TSPEAR: variants seen among roughly 807,000 people sequenced by gnomAD.
The protein encoded by TSPEAR is thrombospondin-type laminin G domain and EAR repeat-containing protein.
A neutral mutation model predicts 71.6 loss-of-function variants in TSPEAR; 69 were observed. The ratio of observed to expected loss-of-function variants is 0.96; its 90% CI spans 0.79 to 1.18. The LOEUF is 1.18. Ranked by LOEUF, TSPEAR falls within the 50% of genes most tolerant of loss-of-function variation. TSPEAR has a pLI of 0.00. For missense variants in TSPEAR, 971 were observed against 894.9 expected, an observed-to-expected ratio of 1.09 and a Z score of -1.09; for synonymous variants, 402 against 387.2, an observed-to-expected ratio of 1.04 and a Z score of -0.45.
intron 1 of TSPEAR, chr21:44,580,647 AGGAG>A: frequency 2.7e-6 from 4 of 1,477,384 alleles, no homozygotes; most frequent in Non-Finnish European, 2.7e-6. Flanking sequence ...GAGTGAGTGA[AGGAG>A]GGAGTGAGTG....
chr21:44,611,429 G>A (rs1981662479), intron 1 of TSPEAR, among the ~76,000 whole-genome samples: 1 of 151,536 alleles, frequency 6.6e-6, no homozygotes. Flanking sequence ...CATGTAAGAA[G>A]TGCCTGTCAG....
intron 1 of TSPEAR, among the ~76,000 whole-genome samples, chr21:44,701,251 C>G (rs1361188912): frequency 6.6e-6 from 1 of 152,170 alleles, no homozygotes; most frequent in Non-Finnish European, 1.5e-5. Flanking sequence ...GACTGTTTCT[C>G]TCTGCGGGGA....
At chr21:44,514,677 G>A (rs1601339389) in intron 9 of TSPEAR, among the ~76,000 whole-genome samples, 1 of 152,316 alleles carries the variant, frequency 6.6e-6, no homozygotes. Context: ...AGGACCCTGT[G>A]CCTAGACTTC....
At chr21:44,622,994 C>G (rs1555933760) in intron 1 of TSPEAR, among the ~76,000 whole-genome samples, 1 of 152,158 alleles carries the variant, frequency 6.6e-6, no homozygotes, top group African/African-American at 2.4e-5. Context: ...TCTTGCTACT[C>G]TTTTGCCATG....
intron 5 of TSPEAR, among the ~76,000 whole-genome samples, chr21:44,528,954 C>A (rs371764640): frequency 6.6e-6 from 1 of 152,242 alleles, no homozygotes; most frequent in Non-Finnish European, 1.5e-5. Context: ...ATCTTAACGA[C>A]GGCTTGGCTT....
At position 44,618,127 on chromosome 21, in the gene TSPEAR, C is replaced by T. The variant is rs587645126; in HGVS notation, c.83-50122G>A. Among the ~76,000 whole-genome samples, 4 of 152,262 alleles carry T rather than the reference C, an allele frequency of 2.6e-5. No homozygotes were observed. In the South Asian group the frequency reaches 8.3e-4, roughly 32 times the overall value. ...CAAATCTCATCTTGAACTGTCATCCCCAGGTGTTGAGGGAGAGACCTGGTG... is the reference window on the plus strand; with the variant it reads ...CAAATCTCATCTTGAACTGTCATCCTCAGGTGTTGAGGGAGAGACCTGGTG... On this transcript the variant is annotated intron_variant, in intron 1 of 11. Coordinates refer to ENST00000323084, the MANE Select transcript of TSPEAR (RefSeq NM_144991.3).
intron 11 of TSPEAR, among the ~76,000 whole-genome samples, chr21:44,502,110 C>G (rs2052042874): frequency 6.6e-6 from 1 of 152,222 alleles, no homozygotes; most frequent in Non-Finnish European, 1.5e-5. Flanking sequence ...AGATGTCTCA[C>G]TATAAATCAT....
chr21:44,629,714 G>A (rs1355584751), intron 1 of TSPEAR, among the ~76,000 whole-genome samples: 1 of 152,208 alleles, frequency 6.6e-6, no homozygotes, highest in African/African-American at 2.4e-5. Context: ...ACGACCCTCG[G>A]GGAAATTCTG....
chr21:44,504,335 G>A (rs1481779694), intron 11 of TSPEAR, among the ~76,000 whole-genome samples: 1 of 145,178 alleles, frequency 6.9e-6, no homozygotes, highest in Non-Finnish European at 1.5e-5. Flanking sequence ...GGCACTGGGA[G>A]GAAGCTGGCC....
intron 5 of TSPEAR, among the ~76,000 whole-genome samples, chr21:44,529,352 CGTGAGT>C: frequency 6.6e-6 from 1 of 152,232 alleles, no homozygotes; most frequent in South Asian, 2.1e-4. Flanking sequence ...TCGTGGAAGA[CGTGAGT>C]GTAGGGCCAG....
rs116541474 is a variant in TSPEAR, at chr21:44,508,497, A to T, written c.1754+702T>A. ...TTGACCCATGGCCCCTGGCTCTGGG[A>T]TCTGGGTAATACGGATTCGATTGCA... On this transcript the variant is annotated intron_variant, in intron 10 of 11. Coordinates refer to ENST00000323084, the MANE Select transcript of TSPEAR (RefSeq NM_144991.3). 2,424 of 1,033,598 alleles carry T rather than the reference A, an allele frequency of 2.3e-3. 35 individuals are homozygous for T. In the African/African-American group the frequency reaches 0.037, roughly 16 times the overall value. 64.0% of individuals were successfully genotyped at this position (1,033,598 alleles called of 1,614,324 possible). A position where few individuals can be genotyped will look rare whatever the true frequency, so the allele number is the denominator to read the frequency against.
intron 10 of TSPEAR, chr21:44,508,483 C>T (rs1555912186): frequency 5.8e-6 from 6 of 1,026,022 alleles, no homozygotes; most frequent in Admixed American, 5.0e-5. Flanking sequence ...TGACCCATGG[C>T]CCCTGGCTCT....
intron 1 of TSPEAR, among the ~76,000 whole-genome samples, chr21:44,659,809 A>T (rs1383625286): frequency 6.6e-6 from 1 of 152,220 alleles, no homozygotes; most frequent in African/African-American, 2.4e-5. Flanking sequence ...TAGAAAGTAA[A>T]ATCACACAGG....
intron 2 of TSPEAR, chr21:44,539,823 A>G: frequency 6.3e-7 from 1 of 1,577,622 alleles, no homozygotes; most frequent in Non-Finnish European, 8.6e-7. Context: ...GTGGGCAGGC[A>G]GCACACAGGC....
In TSPEAR at chr21:44,642,161, A is replaced by T. The variant is rs114513516; in HGVS notation, c.82+69272T>A. 6.6e-6 allele frequency among the ~76,000 whole-genome samples: 1 copy of T among 152,234 alleles called. No individual in the cohort carries two copies. The highest frequency in any genetic ancestry group is 2.4e-5 in the African/African-American group (1 of 41,466). ...TATAAATTAAATGTACTGTGTCCTA[A>T]AAAATATAAATTACCTACCCTGAGT... On this transcript the variant is annotated intron_variant, in intron 1 of 11. Coordinates refer to ENST00000323084, the MANE Select transcript of TSPEAR (RefSeq NM_144991.3). The surrounding 1 kb of genome is among the most constrained non-coding windows in gnomAD (Gnocchi z 4.1).
chr21:44,691,771 T>C (rs1317067422), intron 1 of TSPEAR, among the ~76,000 whole-genome samples: 1 of 152,204 alleles, frequency 6.6e-6, no homozygotes, highest in Non-Finnish European at 1.5e-5. Flanking sequence ...TACTGGTGAA[T>C]ATCACCAAAC....
At chr21:44,516,365 C>T (rs1418708889) in intron 9 of TSPEAR, 1 of 152,352 alleles carries the variant, frequency 6.6e-6, no homozygotes, top group Non-Finnish European at 1.5e-5. Flanking sequence ...GCTGCTCCTG[C>T]TTAGGGTCTG....
At chr21:44,525,970 C>T (rs1046935568) in intron 7 of TSPEAR, 131 bp from the exon 8 acceptor site, 22 of 851,738 alleles carry the variant, frequency 2.6e-5, no homozygotes, top group South Asian at 8.1e-5. Flanking sequence ...GACAGAGGAC[C>T]GAGGCCCCCG....
chr21:44,511,332 TACACAC>T (rs781819014), intron 9 of TSPEAR, among the ~76,000 whole-genome samples: 2 of 151,960 alleles, frequency 1.3e-5, no homozygotes, highest in Non-Finnish European at 2.9e-5. Context: ...CATGCATGCA[TACACAC>T]ACAAACATGC....
Sources: gnomAD v4.1 joint callset for allele counts (sites outside exome capture counted in the v4.1 genomes callset) on GRCh38, gnomAD v4.1.1 for gene constraint, Gnocchi (gnomAD v3.1) non-coding constraint, MANE v1.5 for transcripts, NCBI Gene and HGNC (gene_info 2026-07-23, HGNC 2026-07-21) for gene names.